Variants in TESK2 observed in about 807,000 individuals in gnomAD.
TESK2 encodes dual specificity testis-specific protein kinase 2.
Under a neutral mutation model 57.1 loss-of-function variants are expected in TESK2, and 39 were observed. The ratio of observed to expected loss-of-function variants is 0.68; its 90% CI spans 0.53 to 0.89. TESK2 has a LOEUF of 0.89. Ranked by LOEUF, TESK2 falls within the 40% of genes least tolerant of loss-of-function variation. The pLI, the probability that TESK2 is intolerant of heterozygous loss-of-function variation, is 0.00. For missense variants in TESK2, 646 were observed against 732.1 expected, an observed-to-expected ratio of 0.88 and a Z score of 1.36; for synonymous variants, 249 against 267.9, an observed-to-expected ratio of 0.93 and a Z score of 0.69.
chr1:45,443,998 C>T (rs900766385), intron 2 of TESK2, among the ~76,000 whole-genome samples: 1 of 151,932 alleles, frequency 6.6e-6, no homozygotes, highest in African/African-American at 2.4e-5. Context: ...GGCAACATAG[C>T]GATACACTAT....
In TESK2 at chr1:45,480,501, C is replaced by A. The variant is rs371121324; in HGVS notation, c.-87+10351G>T. 3.2e-4 allele frequency among the ~76,000 whole-genome samples: 49 copies of A among 151,288 alleles called. No homozygotes were observed. In the East Asian group the frequency reaches 9.0e-3, roughly 28 times the overall value. On this transcript the variant is annotated intron_variant, in intron 1 of 10. Transcript: ENST00000372086. ...AAATCTCACTTCTGTGAATTTATCC[C>A]ACAAATATCCTTGCACACATATAAA...
intron 1 of TESK2, among the ~76,000 whole-genome samples, chr1:45,472,248 T>G (rs1382888602): frequency 1.3e-5 from 1 of 78,698 alleles, no homozygotes; most frequent in East Asian, 3.3e-4. Flanking sequence ...CAAGACTCCA[T>G]CTCAAAAAAA....
intron 1 of TESK2, among the ~76,000 whole-genome samples, chr1:45,483,787 C>T (rs1381648172): frequency 1.3e-5 from 2 of 149,220 alleles, no homozygotes; most frequent in Non-Finnish European, 3.0e-5. Context: ...TGTTGATGCC[C>T]AGGAGTTTGA....
In TESK2 at chr1:45,491,152, G is replaced by C. The variant is rs987469613; in HGVS notation, c.-387C>G. On this transcript the variant is annotated 5_prime_UTR_variant, in exon 1 of 11. Transcript: ENST00000372086. ...CAGCTGGTAGCTCTGCTGAGCTCCC[G>C]GGCCGCGAAAGACTGAAACGCCTAC... The C allele has an allele frequency of 2.6e-5, 4 of 152,268 alleles. No individual in the cohort carries two copies. The highest frequency in any genetic ancestry group is 4.8e-5 in the African/African-American group (2 of 41,470). The allele number at this position is 152,268 out of a possible 1,614,324, so 9.4% of individuals were successfully genotyped here.
chr1:45,428,816 A>ACTTTT (rs768015378), intron 2 of TESK2, among the ~76,000 whole-genome samples: 3 of 82,592 alleles, frequency 3.6e-5, no homozygotes, highest in Non-Finnish European at 6.3e-5. Context: ...TAAATTCCTG[A>ACTTTT]TTTTTTTTTT....
intron 2 of TESK2, among the ~76,000 whole-genome samples, chr1:45,437,487 T>A (rs554750156): frequency 6.6e-6 from 1 of 152,248 alleles, no homozygotes; most frequent in Admixed American, 6.5e-5. Context: ...GATCATTTTA[T>A]CTCCAAAGAG....
intron 2 of TESK2, among the ~76,000 whole-genome samples, chr1:45,447,636 T>A (rs980548648): frequency 6.6e-6 from 1 of 152,150 alleles, no homozygotes; most frequent in African/African-American, 2.4e-5. Context: ...TATAATGTAG[T>A]ATATATATAA....
intron 4 of TESK2, among the ~76,000 whole-genome samples, chr1:45,372,471 C>T (rs1381961160): frequency 6.6e-6 from 1 of 150,666 alleles, no homozygotes; most frequent in African/African-American, 2.4e-5. Context: ...CCCAGCTACT[C>T]GAGAGGCTGA....
chr1:45,359,283 G>A (rs1318319233), intron 4 of TESK2, among the ~76,000 whole-genome samples: 1 of 152,242 alleles, frequency 6.6e-6, no homozygotes, highest in African/African-American at 2.4e-5. Context: ...AAGTTGGCCA[G>A]GCGCCGTGGC....
chr1:45,352,021 T>C (rs1468314014), intron 5 of TESK2, among the ~76,000 whole-genome samples: 1 of 152,130 alleles, frequency 6.6e-6, no homozygotes, highest in Non-Finnish European at 1.5e-5. Flanking sequence ...AGACCCAAGA[T>C]GGACTATGAA....
chr1:45,482,559 T>C (rs1216756256), intron 1 of TESK2, among the ~76,000 whole-genome samples: 2 of 147,816 alleles, frequency 1.4e-5, no homozygotes, highest in Non-Finnish European at 3.0e-5. Context: ...TTGCTTGATA[T>C]GTACCACAGA....
chr1:45,482,595 G>A (rs1653272692), intron 1 of TESK2, among the ~76,000 whole-genome samples: 1 of 91,090 alleles, frequency 1.1e-5, no homozygotes. Context: ...GTAGTGGTCA[G>A]CCATTAAAAA....
chr1:45,437,877 G>A (rs1384655553), intron 2 of TESK2, among the ~76,000 whole-genome samples: 3 of 152,172 alleles, frequency 2.0e-5, no homozygotes, highest in Non-Finnish European at 4.4e-5. Flanking sequence ...AAAGCTTCTT[G>A]GTTACAGACA....
intron 1 of TESK2, among the ~76,000 whole-genome samples, chr1:45,473,224 C>T (rs879520044): frequency 1.3e-5 from 2 of 151,588 alleles, no homozygotes; most frequent in East Asian, 1.9e-4. Flanking sequence ...TAGGTAATAC[C>T]GAGTTCCTAC....
intron 3 of TESK2, among the ~76,000 whole-genome samples, chr1:45,390,456 T>G (rs1402151963): frequency 6.6e-6 from 1 of 151,432 alleles, no homozygotes; most frequent in African/African-American, 2.4e-5. Flanking sequence ...AGAGCGAGAC[T>G]CTGTCTAAAA....
chr1:45,440,014 C>A (rs1474415867), intron 2 of TESK2, among the ~76,000 whole-genome samples: 1 of 150,940 alleles, frequency 6.6e-6, no homozygotes, highest in Admixed American at 6.6e-5. Context: ...GGCTGGAGTG[C>A]AGTGGCATGA....
intron 3 of TESK2, among the ~76,000 whole-genome samples, chr1:45,394,103 T>G (rs182400238): frequency 6.6e-6 from 1 of 152,242 alleles, no homozygotes; most frequent in Admixed American, 6.5e-5. Context: ...CTTTGTTATT[T>G]TTAGTTTCAT....
intron 4 of TESK2, among the ~76,000 whole-genome samples, chr1:45,362,104 T>C (rs892563720): frequency 2.0e-5 from 3 of 152,232 alleles, no homozygotes; most frequent in African/African-American, 7.2e-5. Flanking sequence ...TTATGAACCA[T>C]GAAGTAGGCC....
chr1:45,457,688 C>G lies in TESK2; in HGVS notation c.98G>C (p.Ser33Thr). The G allele has an allele frequency of 6.2e-7, 1 of 1,614,156 alleles. No homozygotes were observed. Residue 33 changes from serine (S) to threonine (T), a missense_variant, in exon 2 of 11, where the codon AGC becomes ACC. Physicochemically the swap from Ser to Thr is moderately conservative, Grantham distance 58 (BLOSUM62 1). Coordinates refer to ENST00000372086, the MANE Select transcript of TESK2 (RefSeq NM_007170.3). ...EGGGGGEGNV[S>T]QVGRVWPSSY... The stretch of plus-strand genomic sequence containing the variant: ...AGATGGCCAAACTCTTCCCACCTGG[C>G]TCACATTTCCTTCTCCTCCACCACC...
Sources: gnomAD v4.1 joint callset for allele counts (sites outside exome capture counted in the v4.1 genomes callset) on GRCh38, gnomAD v4.1.1 for gene constraint, MANE v1.5 for transcripts, NCBI Gene and HGNC (gene_info 2026-07-23, HGNC 2026-07-21) for gene names.